Variants in IFNLR1 observed in about 807,000 individuals in gnomAD.
IFNLR1 encodes interferon lambda receptor 1.
IFNLR1 carries 28 observed loss-of-function variants against 52.5 expected under a neutral mutation model. The ratio of observed to expected loss-of-function variants is 0.53; its 90% CI spans 0.40 to 0.73. The LOEUF is 0.73. IFNLR1 is among the 30% of genes least tolerant of loss of function. IFNLR1 has a pLI of 0.00. For missense variants in IFNLR1, 623 were observed against 659.1 expected (o/e 0.95, Z 0.60); for synonymous variants, 276 against 274.9 (o/e 1.00, Z -0.04).
chr1:24,184,191 G>T (rs1339138448), intron 1 of IFNLR1, among the ~76,000 whole-genome samples: 1 of 152,116 alleles, frequency 6.6e-6, no homozygotes, highest in East Asian at 1.9e-4. Context: ...GTTCCCTCAT[G>T]CTGTTCCCTC....
At position 24,162,768 on chromosome 1, in the gene IFNLR1, C is replaced by CTT. The variant is rs1557643864; in HGVS notation, c.368-1086_368-1085dup. Among the ~76,000 whole-genome samples the CTT allele has an allele frequency of 2.9e-3, 136 of 46,578 alleles. 16 individuals are homozygous for CTT. The highest frequency in any genetic ancestry group is 8.9e-3 in the Middle Eastern group (1 of 112). The allele number at this position is 46,578 out of a possible 152,430, so 30.6% of individuals were successfully genotyped here. A position where few individuals can be genotyped will look rare whatever the true frequency, so the allele number is the denominator to read the frequency against. ...TCTTTCTTTCTTTCTTTCTTTCTTT[C>CTT]TTTCTTTCTTTTTCTTTCTTTTTCT... On this transcript the variant is annotated intron_variant, in intron 3 of 6. Coordinates refer to ENST00000327535, the MANE Select transcript of IFNLR1 (RefSeq NM_170743.4).
intron 1 of IFNLR1, among the ~76,000 whole-genome samples, chr1:24,182,788 T>C (rs1462102947): frequency 1.3e-5 from 2 of 152,066 alleles, no homozygotes; most frequent in East Asian, 3.9e-4. Context: ...GGCGTGGTGG[T>C]GCACGCCTGT....
At chr1:24,159,205 G>A in intron 5 of IFNLR1, 23 bp from the exon 6 acceptor site, 1 of 1,613,594 alleles carries the variant, frequency 6.2e-7, no homozygotes, top group Non-Finnish European at 8.5e-7. Context: ...AAATAACAAT[G>A]AGAGAAACAA....
intron 3 of IFNLR1, among the ~76,000 whole-genome samples, chr1:24,168,637 G>A (rs1388653126): frequency 6.6e-6 from 1 of 150,682 alleles, no homozygotes; most frequent in Non-Finnish European, 1.5e-5. Context: ...CATGATTTCT[G>A]CCAGTAAGCA....
intron 3 of IFNLR1, among the ~76,000 whole-genome samples, chr1:24,164,628 C>T (rs753841584): frequency 2.6e-5 from 4 of 152,184 alleles, no homozygotes; most frequent in African/African-American, 4.8e-5. Context: ...TTGAAGGGGA[C>T]TGTGAGTTAT....
At position 24,156,853 on chromosome 1, in the gene IFNLR1, G is replaced by T; in HGVS notation, c.*277C>A. On this transcript the variant is annotated 3_prime_UTR_variant, in exon 7 of 7. Transcript: ENST00000327535. ...TTTTTCCCCCTGGCCTGTCACCCTA[G>T]GGACAATGGGGGTGATGACACCCCA... is the stretch of plus-strand genomic sequence containing the variant. 2.0e-6 allele frequency: 1 copy of T among 493,264 alleles called. No homozygotes were observed. Among genetic ancestry groups the T allele is most frequent in the South Asian group, 2.9e-5 (1 of 34,246 alleles). The allele number at this position is 493,264 out of a possible 1,614,324, so 30.6% of individuals were successfully genotyped here.
intron 3 of IFNLR1, among the ~76,000 whole-genome samples, chr1:24,164,182 T>C (rs1419445603): frequency 6.6e-6 from 1 of 152,226 alleles, no homozygotes; most frequent in Non-Finnish European, 1.5e-5. Flanking sequence ...CCAATGCAGT[T>C]TGAAAATCCA....
chr1:24,161,814 A>G, intron 3 of IFNLR1, 130 bp from the exon 4 acceptor site: 1 of 863,618 alleles, frequency 1.2e-6, no homozygotes, highest in Non-Finnish European at 1.7e-6. Context: ...TGCACCTAGC[A>G]CCTTATAATC....
At chr1:24,179,639 T>C (rs1250862857) in intron 2 of IFNLR1, among the ~76,000 whole-genome samples, 1 of 152,102 alleles carries the variant, frequency 6.6e-6, no homozygotes, top group Non-Finnish European at 1.5e-5. Context: ...ACGTCCTTCC[T>C]CAGACAAGAC....
intron 4 of IFNLR1, among the ~76,000 whole-genome samples, chr1:24,160,038 G>C (rs1644426342): frequency 1.3e-5 from 2 of 152,278 alleles, no homozygotes; most frequent in East Asian, 3.9e-4. Flanking sequence ...TAAAGTTTAA[G>C]CATTGAGGAA....
intron 2 of IFNLR1, among the ~76,000 whole-genome samples, chr1:24,174,279 C>A (rs1218802294): frequency 6.6e-6 from 1 of 152,192 alleles, no homozygotes; most frequent in Non-Finnish European, 1.5e-5. Context: ...AAATAAAATT[C>A]TGTTGTTTAC....
In IFNLR1 at chr1:24,157,126, C is replaced by T. The variant is rs1272975749; in HGVS notation, c.*4G>A. The T allele has an allele frequency of 6.2e-7, 1 of 1,600,904 alleles. No homozygotes were observed. The highest frequency in any genetic ancestry group is 8.5e-7 in the Non-Finnish European group (1 of 1,174,548). On this transcript the variant is annotated 3_prime_UTR_variant, in exon 7 of 7. Transcript: ENST00000327535. This position sits in a 1 kb window ranked among gnomAD's most constrained non-coding sequence, Gnocchi z 5.1. ...TCAGATTCGGTGGGATGTCGGGGGA[C>T]AGCTCACCTGGCCATGTAATGCCCC...
intron 2 of IFNLR1, among the ~76,000 whole-genome samples, chr1:24,178,364 G>C (rs1333930123): frequency 6.6e-6 from 1 of 152,026 alleles, no homozygotes; most frequent in Non-Finnish European, 1.5e-5. Flanking sequence ...AAAAGCAATA[G>C]CTAAGTAGTG....
At chr1:24,180,686 AC>A in intron 2 of IFNLR1, 44 bp downstream of exon 2, 1 of 311,976 alleles carries the variant, frequency 3.2e-6, no homozygotes, top group Non-Finnish European at 5.9e-6. Flanking sequence ...GCCCCCACCC[AC>A]CCCCTCAGTC....
At chr1:24,177,581 T>C (rs1299283787) in intron 2 of IFNLR1, among the ~76,000 whole-genome samples, 1 of 152,148 alleles carries the variant, frequency 6.6e-6, no homozygotes, top group Non-Finnish European at 1.5e-5. Context: ...GCCAGTTGGG[T>C]TGTGCCCACC....
chr1:24,183,399 A>G (rs1328071352), intron 1 of IFNLR1, among the ~76,000 whole-genome samples: 1 of 152,122 alleles, frequency 6.6e-6, no homozygotes, highest in Non-Finnish European at 1.5e-5. Flanking sequence ...GGAATTTAAG[A>G]CTTGCCTAGG....
chr1:24,187,068 T>G, intron 1 of IFNLR1, 123 bp downstream of exon 1: 1 of 543,642 alleles, frequency 1.8e-6, no homozygotes, highest in Non-Finnish European at 2.9e-6. Context: ...GCAGGGCCGA[T>G]TCGCACCCGG....
At chr1:24,162,397 C>T (rs972188792) in intron 3 of IFNLR1, among the ~76,000 whole-genome samples, 2 of 152,228 alleles carry the variant, frequency 1.3e-5, no homozygotes, top group African/African-American at 4.8e-5. Context: ...TCTTCTGCCT[C>T]CATCTGGAGA....
chr1:24,167,445 C>T (rs947695889), intron 3 of IFNLR1, among the ~76,000 whole-genome samples: 9 of 151,850 alleles, frequency 5.9e-5, no homozygotes, highest in Non-Finnish European at 1.3e-4. Flanking sequence ...AGTGCAGTGT[C>T]GTGATCTCAG....
Sources: gnomAD v4.1 joint callset for allele counts (sites outside exome capture counted in the v4.1 genomes callset) on GRCh38, gnomAD v4.1.1 for gene constraint, Gnocchi (gnomAD v3.1) non-coding constraint, MANE v1.5 for transcripts, NCBI Gene and HGNC (gene_info 2026-07-23, HGNC 2026-07-21) for gene names.